The following FBXO32 variants were observed in gnomAD, a reference collection of about 807,000 sequenced individuals.
The protein encoded by FBXO32 is F-box protein 32.
A neutral mutation model predicts 48.3 loss-of-function variants in FBXO32; 15 were observed. The ratio of observed to expected loss-of-function variants is 0.31; its 90% CI spans 0.21 to 0.48. FBXO32 has a LOEUF of 0.48. Among genes scored for constraint, FBXO32 ranks in the 20% least tolerant of loss-of-function variants. The probability of loss-of-function intolerance (pLI) is 0.99; values close to 1 mark genes in which losing one functional copy is unlikely to be tolerated. For synonymous variants in FBXO32, 154 were observed against 165.9 expected (o/e 0.93, Z 0.55); for missense variants, 309 against 432.7 (o/e 0.71, Z 2.54).
At chr8:123,536,229 AC>A (rs1437704897) in intron 1 of FBXO32, among the ~76,000 whole-genome samples, 2 of 152,080 alleles carry the variant, frequency 1.3e-5, no homozygotes, top group African/African-American at 2.4e-5. Context: ...TTCCTACTAA[AC>A]TCAATAGCTT....
Position 123,503,388 on chromosome 8 carries a change from G to T in FBXO32, c.1053C>A (p.Asn351Lys). The T allele has an allele frequency of 6.2e-7, 1 of 1,614,134 alleles. No individual in the cohort carries two copies. The highest frequency in any genetic ancestry group is 8.5e-7 in the Non-Finnish European group (1 of 1,179,984). Residue 351 changes from asparagine (N) to lysine (K), a missense_variant, in exon 9 of 9, where the codon AAC becomes AAA. Physicochemically the swap from Asn to Lys is moderately conservative, Grantham distance 94 (BLOSUM62 0). Transcript: ENST00000517956. ...SVSLSPQDFI[N>K]LFKF The stretch of plus-strand genomic sequence containing the variant: ...GTGCTGGGATTCAGAACTTGAACAA[G>T]TTGATAAAGTCCTGGGGTGAAAGTG...
At chr8:123,529,224 G>A (rs1252029389) in intron 4 of FBXO32, among the ~76,000 whole-genome samples, 1 of 152,148 alleles carries the variant, frequency 6.6e-6, no homozygotes, top group East Asian at 1.9e-4. Flanking sequence ...TTAAAGCAAA[G>A]CGCTCATGAT....
intron 1 of FBXO32, 59 bp from the exon 2 acceptor site, chr8:123,534,873 G>T: frequency 9.4e-7 from 1 of 1,058,344 alleles, no homozygotes; most frequent in Non-Finnish European, 1.4e-6. Flanking sequence ...AACCTGAGCT[G>T]TTTCTATAAA....
At chr8:123,533,134 G>A in intron 3 of FBXO32, 57 bp downstream of exon 3, 1 of 1,342,258 alleles carries the variant, frequency 7.5e-7, no homozygotes, top group Non-Finnish European at 1.1e-6. Context: ...ATCCCTCCCT[G>A]CGCTATCAGG....
intron 1 of FBXO32, among the ~76,000 whole-genome samples, chr8:123,539,419 T>G (rs749682489): frequency 6.6e-6 from 1 of 152,170 alleles, no homozygotes; most frequent in Non-Finnish European, 1.5e-5. Context: ...ATAAAAGACA[T>G]AGTCTGTCAA....
chr8:123,528,922 T>C (rs775959409), intron 4 of FBXO32, among the ~76,000 whole-genome samples: 1 of 152,196 alleles, frequency 6.6e-6, no homozygotes, highest in Non-Finnish European at 1.5e-5. Flanking sequence ...TTAAACAACA[T>C]TAGGTCAAAG....
Position 123,503,460 on chromosome 8 carries a change from G to A in FBXO32, c.981C>T (p.Gly327=). 6.2e-7 allele frequency: 1 copy of A among 1,613,680 alleles called. No homozygotes were observed. Among genetic ancestry groups the A allele is most frequent in the Non-Finnish European group, 8.5e-7 (1 of 1,179,676 alleles). Residue 327 remains glycine (G), a splice_region_variant and synonymous_variant, in exon 9 of 9, where the codon GGC becomes GGT. Coordinates refer to ENST00000517956, the MANE Select transcript of FBXO32 (RefSeq NM_058229.4). The part of the protein sequence containing the change: ...CKHCHILSWK[G]TDHPCTANNP... ...TATTGGCAGTGCACGGATGGTCAGT[G>A]CCCTGGAAAGGAACACATGGTTAGC...
chr8:123,503,374 C>T lies in FBXO32; in HGVS notation c.1067G>A (p.Ter356=). The change falls in exon 9 of 9, where the codon TGA becomes TAA. Residue 356 remains the stop codon, a stop_retained_variant. Coordinates refer to ENST00000517956, the MANE Select transcript of FBXO32 (RefSeq NM_058229.4). ...TGAAGTGTTGTCATGTGCTGGGATT[C>T]AGAACTTGAACAAGTTGATAAAGTC... ...PQDFINLFKF[*] 1 of 1,613,952 alleles carries T rather than the reference C, an allele frequency of 6.2e-7. No individual in the cohort carries two copies. Among genetic ancestry groups the T allele is most frequent in the Middle Eastern group, 1.6e-4 (1 of 6,062 alleles).
At chr8:123,518,991 T>G (rs940692550) in intron 4 of FBXO32, among the ~76,000 whole-genome samples, 1 of 152,062 alleles carries the variant, frequency 6.6e-6, no homozygotes, top group Non-Finnish European at 1.5e-5. Flanking sequence ...CTGGCTAATT[T>G]TTTTTATTTC....
Position 123,503,389 on chromosome 8 carries a change from T to G in FBXO32, c.1052A>C (p.Asn351Thr). 6.2e-7 allele frequency: 1 copy of G among 1,614,150 alleles called. No individual in the cohort carries two copies. The highest frequency in any genetic ancestry group is 8.5e-7 in the Non-Finnish European group (1 of 1,179,998). ...TGCTGGGATTCAGAACTTGAACAAG[T>G]TGATAAAGTCCTGGGGTGAAAGTGA... is the stretch of plus-strand genomic sequence containing the variant. ...SVSLSPQDFI[N>T]LFKF The change falls in exon 9 of 9, where the codon AAC becomes ACC. Residue 351 changes from asparagine (N) to threonine (T), a missense_variant. Coordinates refer to ENST00000517956, the MANE Select transcript of FBXO32 (RefSeq NM_058229.4).
chr8:123,533,669 G>A (rs779723924), intron 2 of FBXO32, among the ~76,000 whole-genome samples: 3 of 152,068 alleles, frequency 2.0e-5, no homozygotes, highest in South Asian at 2.1e-4. Flanking sequence ...TTAGCCAGGC[G>A]TGGTGGCAGG....
chr8:123,532,625 C>T (rs1483251606), intron 3 of FBXO32, among the ~76,000 whole-genome samples: 3 of 152,146 alleles, frequency 2.0e-5, no homozygotes, highest in Admixed American at 1.3e-4. Flanking sequence ...TAGATGTTCA[C>T]TGAGGTCCCT....
At chr8:123,519,848 C>T (rs1240987796) in intron 4 of FBXO32, among the ~76,000 whole-genome samples, 1 of 152,052 alleles carries the variant, frequency 6.6e-6, no homozygotes, top group Admixed American at 6.5e-5. Flanking sequence ...AGTGTAATGG[C>T]GTGATTTCGG....
At chr8:123,530,861 C>T (rs1216582328) in intron 4 of FBXO32, among the ~76,000 whole-genome samples, 4 of 150,972 alleles carry the variant, frequency 2.6e-5, no homozygotes, top group Non-Finnish European at 4.4e-5. Flanking sequence ...TCATGATCTG[C>T]TTGTCTTAGC....
At chr8:123,533,890 T>C (rs1229371059) in intron 2 of FBXO32, among the ~76,000 whole-genome samples, 3 of 150,546 alleles carry the variant, frequency 2.0e-5, no homozygotes, top group Admixed American at 6.6e-5. Context: ...CCCTGGAGTT[T>C]GAGACCAGCC....
chr8:123,538,961 G>A (rs1397055799), intron 1 of FBXO32, among the ~76,000 whole-genome samples: 1 of 152,122 alleles, frequency 6.6e-6, no homozygotes, highest in African/African-American at 2.4e-5. Flanking sequence ...AGTGACACCA[G>A]TTTCTCTCCT....
At chr8:123,520,170 G>A (rs989771069) in intron 4 of FBXO32, among the ~76,000 whole-genome samples, 1 of 152,222 alleles carries the variant, frequency 6.6e-6, no homozygotes, top group African/African-American at 2.4e-5. Flanking sequence ...GTACCAGGAT[G>A]ACTTAGCCAA....
intron 4 of FBXO32, among the ~76,000 whole-genome samples, chr8:123,520,015 T>C (rs1438375159): frequency 6.6e-6 from 1 of 152,204 alleles, no homozygotes. Context: ...CCTGAGCTCC[T>C]GACCTCAGGT....
chr8:123,540,759 C>T lies in FBXO32; in HGVS notation c.116+140G>A, dbSNP rs1817394773. 1.5e-6 allele frequency: 1 copy of T among 664,776 alleles called. No individual in the cohort carries two copies. Among genetic ancestry groups the T allele is most frequent in the South Asian group, 1.8e-5 (1 of 56,532 alleles). 41.2% of individuals were successfully genotyped at this position (664,776 alleles called of 1,614,324 possible). ...GAAGACCTCTGCAGAAATCGGGCCCCGTAGTCCCACCCTCCGGGTCAGGGT... is the reference window on the plus strand; with the variant it reads ...GAAGACCTCTGCAGAAATCGGGCCCTGTAGTCCCACCCTCCGGGTCAGGGT... On this transcript the variant is annotated intron_variant, in intron 1 of 8. Coordinates refer to ENST00000517956, the MANE Select transcript of FBXO32 (RefSeq NM_058229.4). The surrounding 1 kb of genome is among the most constrained non-coding windows in gnomAD (Gnocchi z 6.4).
Sources: allele counts gnomAD v4.1 joint callset (sites outside exome capture counted in the v4.1 genomes callset), GRCh38; gene constraint gnomAD v4.1.1; non-coding constraint Gnocchi (gnomAD v3.1); transcripts MANE v1.5; gene names NCBI Gene and HGNC (gene_info 2026-07-23, HGNC 2026-07-21).